The following CUBN variants were observed in gnomAD, a reference collection of about 807,000 sequenced individuals.
CUBN encodes the protein 460 kDa receptor.
CUBN carries 282 observed loss-of-function variants against 405.3 expected under a neutral mutation model. The observed-to-expected ratio is 0.70, with a 90% CI of 0.63 to 0.77. The LOEUF (loss-of-function observed/expected upper bound fraction) is 0.77, where lower values mean the gene tolerates loss of function less well. Ranked by LOEUF, CUBN falls within the 30% of genes least tolerant of loss-of-function variation. CUBN has a pLI of 0.00. For missense variants in CUBN, 4,514 were observed against 4,475.2 expected (o/e 1.01, Z -0.25); for synonymous variants, 1,684 against 1,617.0 (o/e 1.04, Z -0.99).
intron 50 of CUBN, among the ~76,000 whole-genome samples, chr10:16,904,317 A>G (rs1204069102): frequency 1.3e-5 from 2 of 152,268 alleles, no homozygotes; most frequent in Non-Finnish European, 1.5e-5. Flanking sequence ...ACACAAAAAA[A>G]TCAAAGCAAT....
intron 57 of CUBN, among the ~76,000 whole-genome samples, chr10:16,875,047 C>T (rs1197168022): frequency 6.6e-6 from 1 of 151,994 alleles, no homozygotes; most frequent in Non-Finnish European, 1.5e-5. Flanking sequence ...AAATGTATAG[C>T]TCTCCAGTCT....
chr10:16,959,368 G>A (rs907017241), intron 31 of CUBN, among the ~76,000 whole-genome samples: 2 of 151,976 alleles, frequency 1.3e-5, no homozygotes, highest in Non-Finnish European at 2.9e-5. Context: ...GGTGGTTCAC[G>A]CCTGTAATCC....
At chr10:16,896,901 T>C (rs1841199779) in intron 54 of CUBN, among the ~76,000 whole-genome samples, 1 of 152,230 alleles carries the variant, frequency 6.6e-6, no homozygotes. Flanking sequence ...TATTGTTCTA[T>C]CTTCAAGTTC....
intron 59 of CUBN, among the ~76,000 whole-genome samples, chr10:16,862,349 T>C (rs1335844514): frequency 6.6e-6 from 1 of 152,154 alleles, no homozygotes; most frequent in Non-Finnish European, 1.5e-5. Context: ...ATCTCTTAAA[T>C]TTTTCTTTCT....
At chr10:17,126,379 G>A (rs186607650) in intron 4 of CUBN, among the ~76,000 whole-genome samples, 107 of 152,230 alleles carry the variant, frequency 7.0e-4, no homozygotes, top group African/African-American at 2.2e-3. Flanking sequence ...CTAGACTTCC[G>A]AGCTTAGCGT....
chr10:17,058,040 T>G (rs1835430955), intron 22 of CUBN, among the ~76,000 whole-genome samples: 1 of 152,004 alleles, frequency 6.6e-6, no homozygotes, highest in South Asian at 2.1e-4. Flanking sequence ...GAGAATCGCT[T>G]GAACCTGGGA....
At position 16,843,966 on chromosome 10, in the gene CUBN, G is replaced by A. The variant is rs375130560; in HGVS notation, c.9664-2919C>T. ...CAGACATTTGGGTTGGCCCTTAAAT[G>A]TAAGTAGAGACCTTCCAGACCTGCG... On this transcript the variant is annotated intron_variant, in intron 60 of 66. Coordinates refer to ENST00000377833, the MANE Select transcript of CUBN (RefSeq NM_001081.4). Among the ~76,000 whole-genome samples the A allele has an allele frequency of 3.9e-4, 59 of 152,244 alleles. No homozygotes were observed. In the East Asian group the frequency reaches 6.7e-3, roughly 17 times the overall value.
intron 43 of CUBN, among the ~76,000 whole-genome samples, chr10:16,920,687 C>T (rs371667348): frequency 2.0e-4 from 30 of 152,212 alleles, no homozygotes; most frequent in African/African-American, 7.2e-4. Flanking sequence ...GATAAAGGAG[C>T]TTTTTAATAT....
In CUBN at chr10:16,906,358, C is replaced by A. The variant is rs781023886; in HGVS notation, c.7757G>T (p.Gly2586Val). 1.9e-6 allele frequency: 3 copies of A among 1,613,950 alleles called. No homozygotes were observed. The Admixed American group carries it at 5.0e-5, about 27-fold the overall frequency. Residue 2586 changes from glycine to valine, a missense_variant, in exon 50 of 67, where the codon GGC (glycine) becomes GTC (valine). Physicochemically the swap from Gly to Val is moderately radical, Grantham distance 109. Coordinates refer to ENST00000377833, the MANE Select transcript of CUBN (RefSeq NM_001081.4). ...TGAGTAATTCCTGACTCCGTCATAG[C>A]CAGGAGAAGTAAAGTTTCCTTCAGG... is the stretch of plus-strand genomic sequence containing the variant. ...NTPEGNFTSP[G>V]YDGVRNYSRN...
chr10:17,019,113 G>T (rs72775005), intron 28 of CUBN, among the ~76,000 whole-genome samples: 1 of 152,178 alleles, frequency 6.6e-6, no homozygotes, highest in Non-Finnish European at 1.5e-5. Context: ...TAATGCTGAC[G>T]CTGCTCTCTA....
intron 62 of CUBN, among the ~76,000 whole-genome samples, chr10:16,837,826 G>T (rs1478324795): frequency 6.6e-6 from 1 of 152,146 alleles, no homozygotes; most frequent in Non-Finnish European, 1.5e-5. Flanking sequence ...TTCATTCAGT[G>T]GAAAACATTA....
At chr10:17,098,870 G>C (rs1260662815) in intron 14 of CUBN, among the ~76,000 whole-genome samples, 1 of 152,056 alleles carries the variant, frequency 6.6e-6, no homozygotes, top group Admixed American at 6.6e-5. Context: ...GGAATACTTA[G>C]ACACTGAAAG....
At chr10:16,870,337 C>T (rs2131368755) in intron 58 of CUBN, among the ~76,000 whole-genome samples, 1 of 152,310 alleles carries the variant, frequency 6.6e-6, no homozygotes, top group South Asian at 2.1e-4. Flanking sequence ...CTCCATTCTC[C>T]TCACAGTCTC....
chr10:16,933,970 C>T (rs1226768684), intron 39 of CUBN, among the ~76,000 whole-genome samples: 1 of 152,158 alleles, frequency 6.6e-6, no homozygotes, highest in East Asian at 1.9e-4. Flanking sequence ...TGCCCAGGTC[C>T]TGTGAAGACA....
chr10:16,825,163 G>T, intron 66 of CUBN, 81 bp from the exon 67 acceptor site: 1 of 927,826 alleles, frequency 1.1e-6, no homozygotes, highest in Non-Finnish European at 1.7e-6. Context: ...TAGTAACAAA[G>T]TACCACATAA....
chr10:16,907,420 T>C, intron 49 of CUBN, 88 bp downstream of exon 49: 4 of 1,337,738 alleles, frequency 3.0e-6, no homozygotes, highest in Non-Finnish European at 4.3e-6. Context: ...AAAGGGAAAA[T>C]GGATGGCTCT....
At chr10:16,930,981 G>C (rs1401361556) in intron 40 of CUBN, among the ~76,000 whole-genome samples, 1 of 152,070 alleles carries the variant, frequency 6.6e-6, no homozygotes. Flanking sequence ...CATAGGCCAG[G>C]TGTGGTGGCT....
intron 48 of CUBN, among the ~76,000 whole-genome samples, chr10:16,909,647 G>C (rs1052924571): frequency 6.6e-6 from 1 of 152,204 alleles, no homozygotes; most frequent in Non-Finnish European, 1.5e-5. Context: ...TCTGCCTTTG[G>C]CATAGAATCA....
At chr10:17,036,140 T>C (rs1414231415) in intron 27 of CUBN, among the ~76,000 whole-genome samples, 1 of 152,172 alleles carries the variant, frequency 6.6e-6, no homozygotes, top group Non-Finnish European at 1.5e-5. Context: ...ACTGCCCTAA[T>C]GAGTATCGTC....
Sources: allele counts gnomAD v4.1 joint callset (sites outside exome capture counted in the v4.1 genomes callset), GRCh38; gene constraint gnomAD v4.1.1; transcripts MANE v1.5; gene names NCBI Gene and HGNC (gene_info 2026-07-23, HGNC 2026-07-21).